TMTC1: variants seen among roughly 807,000 people sequenced by gnomAD.
TMTC1 encodes the protein transmembrane O-mannosyltransferase targeting cadherins 1.
A neutral mutation model predicts 104.8 loss-of-function variants in TMTC1; 73 were observed. That is an observed-to-expected ratio of 0.70 (90% CI 0.58 to 0.85). The LOEUF (loss-of-function observed/expected upper bound fraction) is 0.85. Among genes scored for constraint, TMTC1 ranks in the 40% least tolerant of loss-of-function variants. The pLI is 0.00. For missense variants in TMTC1, 1,035 were observed against 1,096.1 expected (o/e 0.94, Z 0.79); for synonymous variants, 434 against 428.7 (o/e 1.01, Z -0.15).
chr12:29,693,062 G>A lies in TMTC1; in HGVS notation c.938+58604C>T, dbSNP rs551468048. On this transcript the variant is annotated intron_variant, in intron 5 of 17. Coordinates refer to ENST00000539277, the MANE Select transcript of TMTC1 (RefSeq NM_001193451.2). ...GGTGAGAATATTATAAGAGTGAACC[G>A]TAGTAAGGTTTGCACAGCTCTAAAA... is the stretch of plus-strand genomic sequence containing the variant. Among the ~76,000 whole-genome samples, 11 of 144,820 alleles carry A rather than the reference G, an allele frequency of 7.6e-5. 1 individual carries two copies. Among genetic ancestry groups the A allele is most frequent in the Admixed American group, 1.4e-4 (2 of 14,018 alleles).
At chr12:29,584,592 C>T (rs1362322189) in intron 7 of TMTC1, among the ~76,000 whole-genome samples, 1 of 152,054 alleles carries the variant, frequency 6.6e-6, no homozygotes, top group East Asian at 1.9e-4. Context: ...GCCCGCCCCG[C>T]TTCCCCGACC....
At chr12:29,580,541 T>A (rs1298130637) in intron 8 of TMTC1, among the ~76,000 whole-genome samples, 1 of 152,124 alleles carries the variant, frequency 6.6e-6, no homozygotes, top group Admixed American at 6.6e-5. Flanking sequence ...TCATCCCACA[T>A]AATTAGAGAG....
chr12:29,530,134 T>C (rs912017502), intron 11 of TMTC1, among the ~76,000 whole-genome samples: 1 of 152,128 alleles, frequency 6.6e-6, no homozygotes, highest in Non-Finnish European at 1.5e-5. Context: ...ACTTGAGAAA[T>C]AGAAATAAAA....
chr12:29,504,527 C>A lies in TMTC1; in HGVS notation c.*2319G>T, dbSNP rs1943658219. ...TTACTTTTTTAAAAAACAGTGCTTA[C>A]TTTTAGTGTTCAAAAGATGCCAGTG... On this transcript the variant is annotated 3_prime_UTR_variant, in exon 18 of 18. Transcript: ENST00000539277. 1 of 151,928 alleles carries A rather than the reference C, an allele frequency of 6.6e-6. No homozygotes were observed. Among genetic ancestry groups the A allele is most frequent in the African/African-American group, 2.4e-5 (1 of 41,356 alleles). 9.4% of individuals were successfully genotyped at this position (151,928 alleles called of 1,614,324 possible).
At chr12:29,560,812 T>C (rs1945359244) in intron 9 of TMTC1, among the ~76,000 whole-genome samples, 1 of 152,118 alleles carries the variant, frequency 6.6e-6, no homozygotes, top group African/African-American at 2.4e-5. Flanking sequence ...ATTCCTCTCA[T>C]CTTATCTCTG....
rs979950912 is a variant in TMTC1, at chr12:29,572,047, G to A, written c.1532+58C>T. On this transcript the variant is annotated intron_variant, in intron 9 of 17. Transcript: ENST00000539277. ...TCTCCATATACTGGGAGGGCCAAGT[G>A]AAATAAACAACGGTCTTTAAAGCAC... 2.5e-5 allele frequency: 34 copies of A among 1,379,712 alleles called. No homozygotes were observed. In the African/African-American group the frequency reaches 4.1e-4, roughly 17 times the overall value. 85.5% of individuals were successfully genotyped at this position (1,379,712 alleles called of 1,614,324 possible).
chr12:29,518,038 A>T (rs953053946), intron 13 of TMTC1, among the ~76,000 whole-genome samples: 1 of 152,174 alleles, frequency 6.6e-6, no homozygotes. Context: ...TTACAAAATG[A>T]TCATGATGCC....
intron 5 of TMTC1, among the ~76,000 whole-genome samples, chr12:29,694,806 G>T (rs1031132495): frequency 3.9e-5 from 6 of 152,160 alleles, no homozygotes; most frequent in Non-Finnish European, 8.8e-5. Context: ...CAGGCATGAT[G>T]GTGGGTGCCT....
chr12:29,560,255 C>G (rs1340058272), intron 9 of TMTC1, among the ~76,000 whole-genome samples: 1 of 152,186 alleles, frequency 6.6e-6, no homozygotes, highest in African/African-American at 2.4e-5. Flanking sequence ...TGAACTGGAG[C>G]AGTGGTGATT....
chr12:29,557,115 T>G, intron 9 of TMTC1, 115 bp from the exon 10 acceptor site: 1 of 1,187,592 alleles, frequency 8.4e-7, no homozygotes, highest in Non-Finnish European at 1.2e-6. Context: ...TGAATTATTC[T>G]TGTACTTGAA....
At chr12:29,602,282 C>G (rs1234708128) in intron 7 of TMTC1, among the ~76,000 whole-genome samples, 2 of 152,152 alleles carry the variant, frequency 1.3e-5, no homozygotes, top group Non-Finnish European at 2.9e-5. Flanking sequence ...GCTGGGACCA[C>G]AAGTGCATCC....
chr12:29,588,595 C>T (rs1414969046), intron 7 of TMTC1, among the ~76,000 whole-genome samples: 1 of 152,138 alleles, frequency 6.6e-6, no homozygotes, highest in South Asian at 2.1e-4. Flanking sequence ...GACAGTAATC[C>T]TTATCCTTGT....
intron 10 of TMTC1, among the ~76,000 whole-genome samples, chr12:29,547,154 C>G (rs1944965180): frequency 6.6e-6 from 1 of 152,102 alleles, no homozygotes; most frequent in African/African-American, 2.4e-5. Context: ...AATATTTATG[C>G]AATGAAGGAA....
chr12:29,727,608 C>A (rs774058290), intron 5 of TMTC1, among the ~76,000 whole-genome samples: 1 of 152,008 alleles, frequency 6.6e-6, no homozygotes, highest in Non-Finnish European at 1.5e-5. Context: ...AATCTCCTGA[C>A]CTCGTGATCT....
chr12:29,532,908 T>C (rs974524927), intron 11 of TMTC1: 11 of 152,182 alleles, frequency 7.2e-5, no homozygotes, highest in African/African-American at 2.2e-4. Context: ...CTTAATTTTC[T>C]ATTTTTCTTT....
chr12:29,556,130 C>T (rs538562838), intron 10 of TMTC1, among the ~76,000 whole-genome samples: 1 of 152,180 alleles, frequency 6.6e-6, no homozygotes, highest in African/African-American at 2.4e-5. Flanking sequence ...CCATCACCAA[C>T]ATGCTTAGAC....
intron 5 of TMTC1, among the ~76,000 whole-genome samples, chr12:29,702,432 C>T (rs746165166): frequency 1.3e-5 from 2 of 152,168 alleles, no homozygotes; most frequent in Non-Finnish European, 2.9e-5. Flanking sequence ...TGGACTTGGG[C>T]CTCCATTCCT....
At chr12:29,545,826 T>A (rs1944928894) in intron 10 of TMTC1, among the ~76,000 whole-genome samples, 1 of 152,192 alleles carries the variant, frequency 6.6e-6, no homozygotes, top group Non-Finnish European at 1.5e-5. Context: ...GTCCCTGGGC[T>A]GATGATAATT....
At chr12:29,624,309 T>A (rs1387690880) in intron 6 of TMTC1, among the ~76,000 whole-genome samples, 3 of 151,938 alleles carry the variant, frequency 2.0e-5, no homozygotes, top group Non-Finnish European at 4.4e-5. Context: ...CTAGTCTTAT[T>A]TCCTCCGCTG....
Sources: allele counts gnomAD v4.1 joint callset (sites outside exome capture counted in the v4.1 genomes callset), GRCh38; gene constraint gnomAD v4.1.1; transcripts MANE v1.5; gene names NCBI Gene and HGNC (gene_info 2026-07-23, HGNC 2026-07-21).